Variants in TRPM6 observed in about 807,000 individuals in gnomAD.
The protein encoded by TRPM6 is transient receptor potential cation channel subfamily M member 6.
A neutral mutation model predicts 247.6 loss-of-function variants in TRPM6; 111 were observed. The ratio of observed to expected loss-of-function variants is 0.45; its 90% CI spans 0.38 to 0.52. The LOEUF is 0.52. Ranked by LOEUF, TRPM6 falls within the 20% of genes least tolerant of loss-of-function variation. TRPM6 has a pLI of 0.00. For synonymous variants in TRPM6, 892 were observed against 853.8 expected, an observed-to-expected ratio of 1.04 and a Z score of -0.78; for missense variants, 2,126 against 2,421.5, an observed-to-expected ratio of 0.88 and a Z score of 2.56.
At chr9:74,788,283 C>T (rs1827768624) in intron 20 of TRPM6, among the ~76,000 whole-genome samples, 1 of 152,090 alleles carries the variant, frequency 6.6e-6, no homozygotes, top group African/African-American at 2.4e-5. Flanking sequence ...AACAAAAAAA[C>T]TTGGGGAAAT....
intron 17 of TRPM6, 30 bp downstream of exon 17, chr9:74,800,224 A>C (rs1443515447): frequency 6.3e-7 from 1 of 1,591,052 alleles, no homozygotes; most frequent in Non-Finnish European, 8.6e-7. Context: ...ACTAACATTA[A>C]ACTCCATAAG....
At chr9:74,822,555 T>A (rs1194709923) in intron 7 of TRPM6, among the ~76,000 whole-genome samples, 1 of 151,914 alleles carries the variant, frequency 6.6e-6, no homozygotes, top group African/African-American at 2.4e-5. Context: ...ACACCTAGAC[T>A]CTATAAACTT....
At chr9:74,737,098 C>T (rs1225432834) in intron 36 of TRPM6, among the ~76,000 whole-genome samples, 1 of 152,142 alleles carries the variant, frequency 6.6e-6, no homozygotes, top group Admixed American at 6.5e-5. Context: ...GGCATCAATG[C>T]TCTGGGTTTA....
chr9:74,795,314 T>G (rs1236011070), intron 18 of TRPM6, among the ~76,000 whole-genome samples: 1 of 152,190 alleles, frequency 6.6e-6, no homozygotes, highest in East Asian at 1.9e-4. Context: ...ATCTCACTAC[T>G]CTGGCATACA....
intron 31 of TRPM6, among the ~76,000 whole-genome samples, chr9:74,745,744 G>A (rs1305742655): frequency 6.6e-6 from 1 of 152,150 alleles, no homozygotes; most frequent in Non-Finnish European, 1.5e-5. Flanking sequence ...AGGTTGAGGG[G>A]TGGCTGGAAA....
chr9:74,827,718 CAT>C, intron 7 of TRPM6, 58 bp downstream of exon 7: 1 of 1,567,602 alleles, frequency 6.4e-7, no homozygotes, highest in Non-Finnish European at 8.8e-7. Flanking sequence ...CAGGGAAGAC[CAT>C]GAAAGACCTC....
At chr9:74,885,246 A>G (rs1831495938) in intron 1 of TRPM6, among the ~76,000 whole-genome samples, 1 of 152,240 alleles carries the variant, frequency 6.6e-6, no homozygotes, top group Admixed American at 6.5e-5. Context: ...AACTATATTC[A>G]GAGGATCTAT....
At chr9:74,733,068 C>T (rs1241755565) in intron 36 of TRPM6, among the ~76,000 whole-genome samples, 3 of 151,898 alleles carry the variant, frequency 2.0e-5, no homozygotes, top group Non-Finnish European at 2.9e-5. Flanking sequence ...GTGGTGCATG[C>T]CTGTAATCTC....
In TRPM6 at chr9:74,853,968, G is replaced by A. The variant is rs571107035; in HGVS notation, c.152+1559C>T. 2.2e-4 allele frequency among the ~76,000 whole-genome samples: 33 copies of A among 152,214 alleles called. No homozygotes were observed. The East Asian group carries it at 6.4e-3, about 29-fold the overall frequency. ...GGAAACTTACCCTATCAGATATCAA[G>A]ACATATATTACAAAACTATAATAAT... is the stretch of plus-strand genomic sequence containing the variant. On this transcript the variant is annotated intron_variant, in intron 3 of 38. Transcript: ENST00000360774.
At chr9:74,760,033 G>A (rs1035403391) in intron 27 of TRPM6, among the ~76,000 whole-genome samples, 1 of 152,132 alleles carries the variant, frequency 6.6e-6, no homozygotes, top group Non-Finnish European at 1.5e-5. Context: ...TACAACGGTG[G>A]TCCCATAAGA....
chr9:74,808,900 A>C (rs1159337163), intron 13 of TRPM6, among the ~76,000 whole-genome samples: 1 of 152,238 alleles, frequency 6.6e-6, no homozygotes, highest in Non-Finnish European at 1.5e-5. Flanking sequence ...TCTATATTTC[A>C]GGGCATATTT....
chr9:74,887,434 T>C (rs1831572640), intron 1 of TRPM6: 1 of 1,139,592 alleles, frequency 8.8e-7, no homozygotes, highest in African/African-American at 1.6e-5. Context: ...GATTCTCAGC[T>C]CAAGCCACCT....
chr9:74,879,126 T>C (rs1340390836), intron 1 of TRPM6, among the ~76,000 whole-genome samples: 1 of 151,118 alleles, frequency 6.6e-6, no homozygotes, highest in African/African-American at 2.4e-5. Context: ...GACATAAATA[T>C]CATTAAAAAA....
intron 9 of TRPM6, 96 bp from the exon 10 acceptor site, chr9:74,817,060 T>C (rs1020292558): frequency 2.0e-5 from 22 of 1,111,738 alleles, no homozygotes; most frequent in Non-Finnish European, 3.0e-5. Flanking sequence ...AGCTAATGAA[T>C]TGAGGAAAAC....
At chr9:74,740,043 A>C in intron 33 of TRPM6, 34 bp from the exon 34 acceptor site, 1 of 1,609,420 alleles carries the variant, frequency 6.2e-7, no homozygotes, top group Non-Finnish European at 8.5e-7. Context: ...GAATTCAATA[A>C]GATTGCCATG....
chr9:74,831,034 T>C (rs1056258661), intron 6 of TRPM6, among the ~76,000 whole-genome samples: 2 of 152,152 alleles, frequency 1.3e-5, no homozygotes, highest in Admixed American at 6.6e-5. Flanking sequence ...AAGATTTACA[T>C]ATCTTATCAC....
chr9:74,866,034 C>T (rs1045829861), intron 1 of TRPM6, among the ~76,000 whole-genome samples: 3 of 152,190 alleles, frequency 2.0e-5, no homozygotes, highest in Non-Finnish European at 2.9e-5. Context: ...GGCATGGTGG[C>T]TCACGCCTAG....
At chr9:74,759,374 A>C (rs1303128346) in intron 27 of TRPM6, among the ~76,000 whole-genome samples, 1 of 152,188 alleles carries the variant, frequency 6.6e-6, no homozygotes, top group East Asian at 1.9e-4. Flanking sequence ...TATTCAAGAT[A>C]ACATAATATT....
intron 3 of TRPM6, among the ~76,000 whole-genome samples, chr9:74,850,482 G>C (rs1356376334): frequency 6.6e-6 from 1 of 152,042 alleles, no homozygotes. Context: ...CACTTTGGGA[G>C]GCTGAGGTGG....
Sources: allele counts gnomAD v4.1 joint callset (sites outside exome capture counted in the v4.1 genomes callset), GRCh38; gene constraint gnomAD v4.1.1; transcripts MANE v1.5; gene names NCBI Gene and HGNC (gene_info 2026-07-23, HGNC 2026-07-21).